LRRC37A: variants seen among roughly 807,000 people sequenced by gnomAD.
The protein encoded by LRRC37A is leucine rich repeat containing 37A.
A neutral mutation model predicts 35.4 loss-of-function variants in LRRC37A; 3 were observed. That is an observed-to-expected ratio of 0.08 (90% confidence interval 0.04 to 0.22). The LOEUF is 0.22. Ranked by LOEUF, LRRC37A falls within the 10% of genes least tolerant of loss-of-function variation. The pLI is 1.00. For missense variants in LRRC37A, 67 were observed against 565.3 expected (o/e 0.12, Z 8.94); for synonymous variants, 23 against 215.0 (o/e 0.11, Z 7.81).
the LRRC37A span, among the ~76,000 whole-genome samples, chr17:46,257,452 CAAAAA>C: frequency 1.8e-3 from 151 of 83,272 alleles, no homozygotes; most frequent in Non-Finnish European, 2.6e-3. Context: ...GACTCTGTCT[CAAAAA>C]AAAAAAAAAA....
At chr17:46,250,769 C>G in the LRRC37A span, among the ~76,000 whole-genome samples, 1 of 152,220 alleles carries the variant, frequency 6.6e-6, no homozygotes, top group African/African-American at 2.4e-5. Context: ...TGACTCACAC[C>G]TGTAATCCCA....
chr17:46,291,486 A>G (rs147981960), upstream of LRRC37A, among the ~76,000 whole-genome samples: 93 of 150,848 alleles, frequency 6.2e-4, 1 homozygote, highest in East Asian at 0.018. Context: ...GCTGTGTGTG[A>G]GGCAGTGATA....
At chr17:46,251,098 C>CA in the LRRC37A span, among the ~76,000 whole-genome samples, 31 of 152,058 alleles carry the variant, frequency 2.0e-4, no homozygotes, top group Admixed American at 9.8e-4. Flanking sequence ...GACCCTGTCT[C>CA]AAAAAACAAA....
chr17:46,327,966 T>C (rs1414979437), intron 7 of LRRC37A, among the ~76,000 whole-genome samples: 3 of 66,642 alleles, frequency 4.5e-5, no homozygotes, highest in African/African-American at 1.0e-4. Flanking sequence ...GCAATCCAGG[T>C]TAAACTATTT....
chr17:46,267,636 T>C, the LRRC37A span: 2 of 1,395,900 alleles, frequency 1.4e-6, no homozygotes, highest in East Asian at 2.3e-5. Context: ...TGGGGGACAG[T>C]ATTGTAACAT....
At chr17:46,289,610 G>T (rs1372753460), upstream of LRRC37A, among the ~76,000 whole-genome samples, 1 of 152,160 alleles carries the variant, frequency 6.6e-6, no homozygotes, top group African/African-American at 2.4e-5. Context: ...AAAGTGCTTG[G>T]ATTACAAGTG....
At chr17:46,272,126 C>A in the LRRC37A span, among the ~76,000 whole-genome samples, 2 of 152,222 alleles carry the variant, frequency 1.3e-5, no homozygotes, top group Non-Finnish European at 2.9e-5. Flanking sequence ...TAGGAAAATA[C>A]TTTTCATGAA....
chr17:46,313,906 G>T, intron 5 of LRRC37A, among the ~76,000 whole-genome samples: 1 of 62,476 alleles, frequency 1.6e-5, no homozygotes, highest in Admixed American at 1.8e-4. Context: ...TCTTTTTATT[G>T]AATTATAGGA....
chr17:46,283,987 C>T, the LRRC37A span, among the ~76,000 whole-genome samples: 1 of 152,252 alleles, frequency 6.6e-6, no homozygotes, highest in Admixed American at 6.5e-5. Context: ...CCGCGTGTCC[C>T]ACCTCCAGCC....
At chr17:46,282,417 G>GTT in the LRRC37A span, among the ~76,000 whole-genome samples, 11 of 144,482 alleles carry the variant, frequency 7.6e-5, no homozygotes, top group East Asian at 6.2e-4. Context: ...TTTTTTGTTT[G>GTT]TTTTTTTTTT....
the LRRC37A span, among the ~76,000 whole-genome samples, chr17:46,254,639 T>C: frequency 0.045 from 6,076 of 133,900 alleles, no homozygotes; most frequent in Middle Eastern, 0.14. Context: ...CCTCCTGGGT[T>C]GAAGCGATTC....
At chr17:46,282,631 A>G in the LRRC37A span, among the ~76,000 whole-genome samples, 3 of 149,034 alleles carry the variant, frequency 2.0e-5, no homozygotes, top group Admixed American at 2.0e-4. Flanking sequence ...ACTGTGGCCC[A>G]GGCTGGTCTT....
the LRRC37A span, chr17:46,275,285 C>T: frequency 1.7e-6 from 1 of 598,218 alleles, no homozygotes; most frequent in Non-Finnish European, 2.8e-6. Context: ...CAAGTCTTGT[C>T]AGGATAGCCT....
the LRRC37A span, among the ~76,000 whole-genome samples, chr17:46,283,159 G>A: frequency 6.6e-6 from 1 of 152,276 alleles, no homozygotes; most frequent in South Asian, 2.1e-4. Context: ...CAATTCAACT[G>A]TAATAGATAC....
chr17:46,291,731 C>T (rs1251285328), upstream of LRRC37A, among the ~76,000 whole-genome samples: 1 of 151,714 alleles, frequency 6.6e-6, no homozygotes, highest in African/African-American at 2.4e-5. Context: ...TTGAGACCAG[C>T]CTGGGCAACA....
Position 46,328,016 on chromosome 17 carries a change from C to G in LRRC37A, c.3054-376C>G, listed in dbSNP as rs1490920273. Among the ~76,000 whole-genome samples, 2 of 56,708 alleles carry G rather than the reference C, an allele frequency of 3.5e-5. 1 individual carries two copies. Among genetic ancestry groups the G allele is most frequent in the African/African-American group, 7.4e-5 (2 of 26,950 alleles). 37.2% of individuals were successfully genotyped at this position (56,708 alleles called of 152,430 possible). On this transcript the variant is annotated intron_variant, in intron 7 of 13. Coordinates refer to ENST00000320254, the Ensembl canonical transcript of LRRC37A. Reference sequence around the variant, plus strand: ...AATTTATAATATTTCCCACTCCCAACAGGAATTGAGAAAGGGACTCCAGAA... The same window carrying G: ...AATTTATAATATTTCCCACTCCCAAGAGGAATTGAGAAAGGGACTCCAGAA...
chr17:46,275,111 C>T, the LRRC37A span: 1 of 228,102 alleles, frequency 4.4e-6, no homozygotes, highest in East Asian at 1.7e-4. Context: ...AGGCTGGTCT[C>T]GAACTCCCGA....
At chr17:46,316,526 C>G (rs1302628216) in intron 5 of LRRC37A, among the ~76,000 whole-genome samples, 1 of 57,924 alleles carries the variant, frequency 1.7e-5, no homozygotes, top group Non-Finnish European at 4.9e-5. Context: ...GCCTCCACCT[C>G]CCAGGCTTAA....
the LRRC37A span, among the ~76,000 whole-genome samples, chr17:46,253,010 AG>A: frequency 7.0e-6 from 1 of 142,880 alleles, no homozygotes; most frequent in Non-Finnish European, 1.5e-5. Flanking sequence ...TGCCGGGCGG[AG>A]GGGCTCCTCA....
Sources: gnomAD v4.1 joint callset for allele counts (sites outside exome capture counted in the v4.1 genomes callset) on GRCh38, gnomAD v4.1.1 for gene constraint, MANE v1.5 for transcripts, NCBI Gene and HGNC (gene_info 2026-07-23, HGNC 2026-07-21) for gene names.